Variants in FGF7 observed in about 807,000 individuals in gnomAD.
FGF7 encodes FGF-7.
Under a neutral mutation model 20.5 loss-of-function variants are expected in FGF7, and 6 were observed. The ratio of observed to expected loss-of-function variants is 0.29; its 90% CI spans 0.16 to 0.58. The LOEUF (loss-of-function observed/expected upper bound fraction) is 0.58. FGF7 is among the 20% of genes least tolerant of loss of function. The pLI is 0.90. For synonymous variants in FGF7, 64 were observed against 74.7 expected (o/e 0.86, Z 0.74); for missense variants, 144 against 228.8 (o/e 0.63, Z 2.39).
chr15:49,438,887 AAAAAAGAGAGAG>A (rs1233166758), intron 2 of FGF7, among the ~76,000 whole-genome samples: 25 of 151,370 alleles, frequency 1.7e-4, no homozygotes, highest in African/African-American at 5.8e-4. Flanking sequence ...AGAGAGGGAG[AAAAAAGAGAGAG>A]AAAAAGAGAG....
chr15:49,487,691 G>A lies in FGF7; in HGVS notation c.*3187G>A, dbSNP rs1037730917. 2.0e-5 allele frequency: 3 copies of A among 151,938 alleles called. No homozygotes were observed. Among genetic ancestry groups the A allele is most frequent in the Non-Finnish European group, 4.4e-5 (3 of 67,914 alleles). The allele number at this position is 151,938 out of a possible 1,614,324, so 9.4% of individuals were successfully genotyped here. A position where few individuals can be genotyped will look rare whatever the true frequency, so the allele number is the denominator to read the frequency against. ...CTGAAATTTCTCTAATAGTAGAGGT[G>A]TAAAATAAGAAGTTAGAGAATAATG... is the stretch of plus-strand genomic sequence containing the variant. On this transcript the variant is annotated 3_prime_UTR_variant, in exon 4 of 4. Coordinates refer to ENST00000267843, the MANE Select transcript of FGF7 (RefSeq NM_002009.4).
chr15:49,470,307 T>C (rs2054626727), intron 2 of FGF7, among the ~76,000 whole-genome samples: 1 of 152,156 alleles, frequency 6.6e-6, no homozygotes, highest in Non-Finnish European at 1.5e-5. Context: ...TCATTATCAC[T>C]ATATTTTAAA....
intron 2 of FGF7, among the ~76,000 whole-genome samples, chr15:49,478,407 T>C (rs181197562): frequency 6.6e-6 from 1 of 152,240 alleles, no homozygotes; most frequent in Non-Finnish European, 1.5e-5. Flanking sequence ...TTTTTGCATA[T>C]ATGTATATGT....
At chr15:49,470,617 TA>T (rs2054653784) in intron 2 of FGF7, among the ~76,000 whole-genome samples, 1 of 152,232 alleles carries the variant, frequency 6.6e-6, no homozygotes, top group East Asian at 1.9e-4. Flanking sequence ...TTGACTTCTC[TA>T]ACTTCTTTTG....
chr15:49,431,024 C>G (rs563710120), intron 2 of FGF7, among the ~76,000 whole-genome samples: 1 of 151,764 alleles, frequency 6.6e-6, no homozygotes, highest in Non-Finnish European at 1.5e-5. Flanking sequence ...TTGTATCACA[C>G]AATTTTTGGT....
At chr15:49,477,060 G>GA (rs745520773) in intron 2 of FGF7, among the ~76,000 whole-genome samples, 1,701 of 130,478 alleles carry the variant, frequency 0.013, 40 homozygotes, top group African/African-American at 0.036. Context: ...ACTCTGTCTC[G>GA]AAAAAAAAAA....
intron 2 of FGF7, among the ~76,000 whole-genome samples, chr15:49,467,136 T>C (rs1365502646): frequency 6.6e-6 from 1 of 152,118 alleles, no homozygotes; most frequent in Non-Finnish European, 1.5e-5. Flanking sequence ...TCACGGAGTA[T>C]ATTAGTATTT....
At chr15:49,430,653 G>A (rs2050527548) in intron 2 of FGF7, among the ~76,000 whole-genome samples, 1 of 151,892 alleles carries the variant, frequency 6.6e-6, no homozygotes, top group African/African-American at 2.4e-5. Context: ...TTCCATGGTG[G>A]AAGGTAGAAG....
chr15:49,480,986 A>T (rs1387684235), intron 2 of FGF7, among the ~76,000 whole-genome samples: 1 of 152,260 alleles, frequency 6.6e-6, no homozygotes, highest in Non-Finnish European at 1.5e-5. Context: ...GCCAGCAAAC[A>T]TTACAGATTC....
chr15:49,425,448 CAT>C, intron 2 of FGF7: 1 of 152,098 alleles, frequency 6.6e-6, no homozygotes, highest in East Asian at 1.9e-4. Context: ...CACACCTCAA[CAT>C]GTACATTAAG....
At chr15:49,440,543 C>T (rs929099185) in intron 2 of FGF7, among the ~76,000 whole-genome samples, 1 of 151,652 alleles carries the variant, frequency 6.6e-6, no homozygotes, top group Non-Finnish European at 1.5e-5. Flanking sequence ...TATTGTTGTA[C>T]AGTCATACAG....
intron 2 of FGF7, among the ~76,000 whole-genome samples, chr15:49,471,556 T>C (rs1226703322): frequency 6.6e-6 from 1 of 150,546 alleles, no homozygotes; most frequent in Non-Finnish European, 1.5e-5. Context: ...TGAATTTATA[T>C]ACAGAAGAAA....
At chr15:49,431,351 G>T (rs540641740) in intron 2 of FGF7, among the ~76,000 whole-genome samples, 2 of 151,902 alleles carry the variant, frequency 1.3e-5, no homozygotes, top group African/African-American at 4.8e-5. Flanking sequence ...ATCTTTAGTA[G>T]AGAAGTCGTG....
intron 2 of FGF7, among the ~76,000 whole-genome samples, chr15:49,453,098 A>G (rs985316141): frequency 2.0e-5 from 3 of 152,118 alleles, no homozygotes; most frequent in African/African-American, 4.8e-5. Context: ...TAATCATCCT[A>G]AAATATTGCA....
intron 2 of FGF7, chr15:49,424,823 C>A (rs2049986626): frequency 3.3e-6 from 1 of 304,976 alleles, no homozygotes; most frequent in Non-Finnish European, 6.0e-6. Flanking sequence ...AATATATACT[C>A]CTTGTCCTGA....
At chr15:49,436,063 A>T (rs2051077430) in intron 2 of FGF7, among the ~76,000 whole-genome samples, 1 of 151,340 alleles carries the variant, frequency 6.6e-6, no homozygotes, top group Non-Finnish European at 1.5e-5. Flanking sequence ...TTCACGGAAG[A>T]AAAAAAAGAC....
chr15:49,472,786 G>C (rs2151972351), intron 2 of FGF7, among the ~76,000 whole-genome samples: 1 of 152,032 alleles, frequency 6.6e-6, no homozygotes, highest in African/African-American at 2.4e-5. Flanking sequence ...ACTTCAAATG[G>C]GTAGAAAAAA....
intron 2 of FGF7, among the ~76,000 whole-genome samples, chr15:49,461,692 G>A (rs774049831): frequency 6.6e-6 from 1 of 152,156 alleles, no homozygotes; most frequent in Non-Finnish European, 1.5e-5. Context: ...AAGAATAAGA[G>A]CAATCCTTAT....
intron 2 of FGF7, among the ~76,000 whole-genome samples, chr15:49,469,313 C>A (rs1441073800): frequency 6.6e-6 from 1 of 152,042 alleles, no homozygotes; most frequent in Non-Finnish European, 1.5e-5. Context: ...ATACAGAAAA[C>A]TGCTGTTTAT....
Sources: gnomAD v4.1 joint callset for allele counts (sites outside exome capture counted in the v4.1 genomes callset) on GRCh38, gnomAD v4.1.1 for gene constraint, MANE v1.5 for transcripts, NCBI Gene and HGNC (gene_info 2026-07-23, HGNC 2026-07-21) for gene names.